STAU2: variants seen among roughly 807,000 people sequenced by gnomAD.
STAU2 encodes the protein staufen double-stranded RNA binding protein 2.
Under a neutral mutation model 65.9 loss-of-function variants are expected in STAU2, and 20 were observed. That is an observed-to-expected ratio of 0.30 (90% CI 0.21 to 0.44). The LOEUF (loss-of-function observed/expected upper bound fraction) is 0.44. Among genes scored for constraint, STAU2 ranks in the 20% least tolerant of loss-of-function variants. The pLI is 1.00. For synonymous variants in STAU2, 232 were observed against 233.9 expected (o/e 0.99, Z 0.07); for missense variants, 558 against 683.9 (o/e 0.82, Z 2.05).
At chr8:73,560,371 C>T (rs1035409067) in intron 12 of STAU2, among the ~76,000 whole-genome samples, 20 of 152,226 alleles carry the variant, frequency 1.3e-4, no homozygotes, top group Admixed American at 6.5e-4. Context: ...TGAGCCACCA[C>T]GCCTGGCCAA....
At chr8:73,699,937 C>A (rs1326895225) in intron 4 of STAU2, among the ~76,000 whole-genome samples, 1 of 147,954 alleles carries the variant, frequency 6.8e-6, no homozygotes. Flanking sequence ...AAAATACTAG[C>A]AAACCTAATC....
intron 13 of STAU2, among the ~76,000 whole-genome samples, chr8:73,460,922 G>A (rs1191736063): frequency 1.3e-5 from 2 of 152,148 alleles, no homozygotes; most frequent in Middle Eastern, 3.2e-3. Flanking sequence ...GCTTAAGACC[G>A]AGAGCCTGAA....
chr8:73,606,140 T>C (rs2129751874), intron 9 of STAU2, among the ~76,000 whole-genome samples: 1 of 152,172 alleles, frequency 6.6e-6, no homozygotes, highest in East Asian at 1.9e-4. Context: ...AGAAAAATTT[T>C]TGTAACTTGG....
At chr8:73,548,737 T>C (rs1400063593) in intron 13 of STAU2, among the ~76,000 whole-genome samples, 1 of 152,120 alleles carries the variant, frequency 6.6e-6, no homozygotes, top group Admixed American at 6.6e-5. Context: ...AAAACCTAGT[T>C]TGTTACACTA....
chr8:73,498,426 T>A (rs966677182), intron 13 of STAU2, among the ~76,000 whole-genome samples: 2 of 151,832 alleles, frequency 1.3e-5, no homozygotes, highest in Non-Finnish European at 2.9e-5. Flanking sequence ...CATAGGTAAA[T>A]AAATACACTA....
chr8:73,618,559 C>T (rs775015459), intron 6 of STAU2, among the ~76,000 whole-genome samples: 2 of 152,198 alleles, frequency 1.3e-5, no homozygotes, highest in African/African-American at 4.8e-5. Flanking sequence ...GCCTTCCCTA[C>T]AAATTGCTGT....
chr8:73,568,042 A>G (rs563511839), intron 12 of STAU2, among the ~76,000 whole-genome samples: 29 of 152,362 alleles, frequency 1.9e-4, no homozygotes, highest in South Asian at 6.2e-4. Context: ...AAGAAGTTTT[A>G]GGGAAACTAT....
At chr8:73,487,463 A>G (rs1476506864) in intron 13 of STAU2, among the ~76,000 whole-genome samples, 2 of 152,142 alleles carry the variant, frequency 1.3e-5, no homozygotes, top group Non-Finnish European at 1.5e-5. Context: ...TGCAATGATT[A>G]TGAATGAAGA....
chr8:73,651,438 G>A (rs1467761806), intron 6 of STAU2: 6 of 666,608 alleles, frequency 9.0e-6, no homozygotes, highest in Admixed American at 5.8e-5. Flanking sequence ...CAAAATCGCC[G>A]CATGAAACAC....
At chr8:73,585,668 A>G (rs2128964376) in intron 11 of STAU2, among the ~76,000 whole-genome samples, 1 of 152,364 alleles carries the variant, frequency 6.6e-6, no homozygotes, top group Non-Finnish European at 1.5e-5. Flanking sequence ...AAACCCAGCA[A>G]GCACAAAGTA....
intron 6 of STAU2, among the ~76,000 whole-genome samples, chr8:73,648,918 T>C (rs756454446): frequency 2.6e-5 from 4 of 152,188 alleles, no homozygotes; most frequent in Non-Finnish European, 5.9e-5. Context: ...GCGATCCTCC[T>C]GCCTCAGCCT....
chr8:73,533,234 T>C (rs1805943595), intron 13 of STAU2, among the ~76,000 whole-genome samples: 1 of 152,234 alleles, frequency 6.6e-6, no homozygotes, highest in African/African-American at 2.4e-5. Flanking sequence ...TTCTTCTGGA[T>C]TTATAACACC....
At chr8:73,563,253 C>G (rs1808366660) in intron 12 of STAU2, among the ~76,000 whole-genome samples, 1 of 152,158 alleles carries the variant, frequency 6.6e-6, no homozygotes, top group South Asian at 2.1e-4. Context: ...CATCCTAGCC[C>G]CGTGGTGTCA....
chr8:73,640,522 G>T (rs565218301), intron 6 of STAU2, among the ~76,000 whole-genome samples: 8 of 152,134 alleles, frequency 5.3e-5, no homozygotes, highest in Non-Finnish European at 1.2e-4. Context: ...TCTCAATACT[G>T]CTGTTGTATT....
chr8:73,560,438 C>T (rs1808140142), intron 12 of STAU2, among the ~76,000 whole-genome samples: 1 of 152,120 alleles, frequency 6.6e-6, no homozygotes, highest in Non-Finnish European at 1.5e-5. Context: ...GAAAATCAAC[C>T]TTGCTCTTAC....
intron 12 of STAU2, among the ~76,000 whole-genome samples, chr8:73,572,291 T>C (rs1163037010): frequency 6.6e-6 from 1 of 152,154 alleles, no homozygotes; most frequent in Non-Finnish European, 1.5e-5. Flanking sequence ...CAGGACCAGA[T>C]GGATTCACAG....
intron 3 of STAU2, among the ~76,000 whole-genome samples, chr8:73,726,836 T>C (rs915978664): frequency 6.6e-6 from 1 of 152,200 alleles, no homozygotes; most frequent in Non-Finnish European, 1.5e-5. Flanking sequence ...TTTCAGAAAA[T>C]GTTTAAATCC....
intron 6 of STAU2, among the ~76,000 whole-genome samples, chr8:73,629,520 T>C (rs1032606384): frequency 6.6e-5 from 10 of 152,198 alleles, no homozygotes; most frequent in African/African-American, 2.4e-4. Flanking sequence ...AATTGCAGGG[T>C]TTTAAAGTAG....
chr8:73,454,700 CTTATTT>C (rs1246828128), intron 13 of STAU2, among the ~76,000 whole-genome samples: 2 of 152,150 alleles, frequency 1.3e-5, no homozygotes, highest in African/African-American at 2.4e-5. Flanking sequence ...TTTACATTTT[CTTATTT>C]TTAAAGAGAG....
Sources: allele counts gnomAD v4.1 joint callset (sites outside exome capture counted in the v4.1 genomes callset), GRCh38; gene constraint gnomAD v4.1.1; transcripts MANE v1.5; gene names NCBI Gene and HGNC (gene_info 2026-07-23, HGNC 2026-07-21).